The following AUTS2 variants were observed in gnomAD, a reference collection of about 807,000 sequenced individuals.
AUTS2 encodes the protein autism susceptibility gene 2 protein.
In AUTS2, 17 loss-of-function variants were observed where a neutral mutation model predicts 112.4. The ratio of observed to expected loss-of-function variants is 0.15; its 90% CI spans 0.10 to 0.23. The LOEUF is 0.23. Ranked by LOEUF, AUTS2 falls within the 10% of genes least tolerant of loss-of-function variation. The probability of loss-of-function intolerance (pLI) is 1.00; values close to 1 mark genes in which losing one functional copy is unlikely to be tolerated. For synonymous variants in AUTS2, 751 were observed against 702.7 expected, an observed-to-expected ratio of 1.07 and a Z score of -1.09; for missense variants, 1,510 against 1,701.6, an observed-to-expected ratio of 0.89 and a Z score of 1.98.
At chr7:70,160,597 G>C (rs540461054) in intron 4 of AUTS2, among the ~76,000 whole-genome samples, 1 of 152,154 alleles carries the variant, frequency 6.6e-6, no homozygotes, top group East Asian at 1.9e-4. Context: ...TTTCACACAA[G>C]TGTAAGCTTT....
chr7:70,781,815 A>C, intron 15 of AUTS2, 59 bp downstream of exon 15: 1 of 1,579,348 alleles, frequency 6.3e-7, no homozygotes, highest in African/African-American at 1.4e-5. Context: ...AGGTAACTAA[A>C]TAAATGAGGT....
chr7:70,124,173 A>G (rs1805838532), intron 3 of AUTS2, among the ~76,000 whole-genome samples: 1 of 152,004 alleles, frequency 6.6e-6, no homozygotes, highest in African/African-American at 2.4e-5. Flanking sequence ...GTATCTCTTC[A>G]TGTTCTTTGC....
At chr7:69,709,295 C>G (rs1584110211) in intron 1 of AUTS2, among the ~76,000 whole-genome samples, 1 of 152,176 alleles carries the variant, frequency 6.6e-6, no homozygotes, top group East Asian at 1.9e-4. Context: ...AGATCTTCTT[C>G]CTATGTGAAT....
chr7:70,725,666 T>C (rs1786985729), intron 6 of AUTS2, among the ~76,000 whole-genome samples: 1 of 152,220 alleles, frequency 6.6e-6, no homozygotes, highest in Admixed American at 6.5e-5. Flanking sequence ...TGAAGAATGT[T>C]GAGTTCAGCC....
chr7:70,456,483 T>A (rs1236190767), intron 5 of AUTS2, among the ~76,000 whole-genome samples: 4 of 152,244 alleles, frequency 2.6e-5, no homozygotes, highest in Non-Finnish European at 5.9e-5. Flanking sequence ...TACTGTAAAG[T>A]GTTCAGAGAC....
At chr7:69,676,126 T>G (rs989035623) in intron 1 of AUTS2, among the ~76,000 whole-genome samples, 2 of 152,150 alleles carry the variant, frequency 1.3e-5, no homozygotes, top group Non-Finnish European at 2.9e-5. Context: ...TCTCCAGTTA[T>G]TCAGAAGGAT....
intron 4 of AUTS2, among the ~76,000 whole-genome samples, chr7:70,300,538 T>C (rs1789165998): frequency 6.6e-6 from 1 of 152,174 alleles, no homozygotes; most frequent in Non-Finnish European, 1.5e-5. Flanking sequence ...GTGATTTTTT[T>C]CCCCCAAAGA....
At chr7:69,888,289 T>C (rs1794363504) in intron 1 of AUTS2, among the ~76,000 whole-genome samples, 1 of 151,686 alleles carries the variant, frequency 6.6e-6, no homozygotes, top group South Asian at 2.1e-4. Flanking sequence ...GGAGTTCTCA[T>C]GTGGCTTCCA....
At position 70,745,019 on chromosome 7, in the gene AUTS2, T is replaced by A. The variant is rs553521165; in HGVS notation, c.743-17851T>A. On this transcript the variant is annotated intron_variant, in intron 6 of 18. Coordinates refer to ENST00000342771, the MANE Select transcript of AUTS2 (RefSeq NM_015570.4). ...CTCAGGAAAATGGTGATTTCAGTAT[T>A]ATATTAATAATTAGCAATTTTTTTT... Among the ~76,000 whole-genome samples, 4 of 144,256 alleles carry A rather than the reference T, an allele frequency of 2.8e-5. No homozygotes were observed. In the South Asian group the frequency reaches 8.8e-4, roughly 32 times the overall value. The allele number at this position is 144,256 out of a possible 152,430, so 94.6% of individuals were successfully genotyped here.
intron 2 of AUTS2, among the ~76,000 whole-genome samples, chr7:70,076,459 C>A (rs1332986320): frequency 1.3e-5 from 2 of 152,142 alleles, no homozygotes; most frequent in Admixed American, 6.5e-5. Flanking sequence ...TTTAAAGTTG[C>A]AGTTTCCAAG....
intron 1 of AUTS2, among the ~76,000 whole-genome samples, chr7:69,614,149 C>T (rs1793194675): frequency 6.6e-6 from 1 of 152,106 alleles, no homozygotes; most frequent in African/African-American, 2.4e-5. Context: ...TTCTCTGGGA[C>T]TTCACGATTC....
At chr7:70,158,080 G>A (rs1344160893) in intron 4 of AUTS2, among the ~76,000 whole-genome samples, 1 of 152,134 alleles carries the variant, frequency 6.6e-6, no homozygotes, top group African/African-American at 2.4e-5. Flanking sequence ...GCACCATTTG[G>A]AAAGACCCAA....
chr7:70,352,901 C>G (rs1791832733), intron 4 of AUTS2, among the ~76,000 whole-genome samples: 1 of 152,104 alleles, frequency 6.6e-6, no homozygotes, highest in Non-Finnish European at 1.5e-5. Context: ...AATGACATAG[C>G]TAAGAATGAG....
chr7:70,566,976 TTA>T (rs1009728760), intron 5 of AUTS2, among the ~76,000 whole-genome samples: 1 of 152,246 alleles, frequency 6.6e-6, no homozygotes, highest in Non-Finnish European at 1.5e-5. Context: ...CATGCATGAT[TTA>T]AACTGCTTTG....
intron 2 of AUTS2, among the ~76,000 whole-genome samples, chr7:70,026,596 C>G (rs1800534930): frequency 6.6e-6 from 1 of 152,170 alleles, no homozygotes; most frequent in Non-Finnish European, 1.5e-5. Flanking sequence ...AAATTTTGGG[C>G]AGATCAGCTT....
intron 1 of AUTS2, among the ~76,000 whole-genome samples, chr7:69,641,864 A>G (rs1794811595): frequency 6.6e-6 from 1 of 152,220 alleles, no homozygotes; most frequent in Non-Finnish European, 1.5e-5. Flanking sequence ...CTAGTGATTG[A>G]GTTTGAAGCC....
intron 2 of AUTS2, among the ~76,000 whole-genome samples, chr7:70,093,645 A>C (rs1804035216): frequency 6.6e-6 from 1 of 152,238 alleles, no homozygotes; most frequent in African/African-American, 2.4e-5. Flanking sequence ...AGCTGTGTCT[A>C]ATGCATTTCA....
At chr7:69,800,379 T>A (rs1790030647) in intron 1 of AUTS2, among the ~76,000 whole-genome samples, 4 of 152,172 alleles carry the variant, frequency 2.6e-5, no homozygotes, top group Admixed American at 6.5e-5. Flanking sequence ...CTGGTAGAAA[T>A]GGGTAATACC....
intron 1 of AUTS2, among the ~76,000 whole-genome samples, chr7:69,610,391 C>A (rs562771526): frequency 6.6e-6 from 1 of 152,136 alleles, no homozygotes. Flanking sequence ...TGGTGTAAAT[C>A]GAATTTTTGT....
Sources: allele counts gnomAD v4.1 joint callset (sites outside exome capture counted in the v4.1 genomes callset), GRCh38; gene constraint gnomAD v4.1.1; transcripts MANE v1.5; gene names NCBI Gene and HGNC (gene_info 2026-07-23, HGNC 2026-07-21).